The following WDR70 variants were observed in gnomAD, a reference collection of about 807,000 sequenced individuals.
WDR70 encodes the protein WD repeat-containing protein 70.
A neutral mutation model predicts 88.6 loss-of-function variants in WDR70; 53 were observed. That is an observed-to-expected ratio of 0.60 (90% confidence interval 0.48 to 0.75). The LOEUF is 0.75. WDR70 is among the 30% of genes least tolerant of loss of function. The probability of loss-of-function intolerance (pLI) is 0.00; values close to 1 mark genes in which losing one functional copy is unlikely to be tolerated. For synonymous variants in WDR70, 280 were observed against 270.0 expected (o/e 1.04, Z -0.36); for missense variants, 610 against 823.2 (o/e 0.74, Z 3.17).
At chr5:37,600,476 G>A (rs887697057) in intron 9 of WDR70, among the ~76,000 whole-genome samples, 3 of 138,334 alleles carry the variant, frequency 2.2e-5, no homozygotes, top group Non-Finnish European at 1.5e-5. Flanking sequence ...GCAGTGAGCC[G>A]AGATTGCGCC....
chr5:37,426,730 G>A (rs947696148), intron 5 of WDR70, among the ~76,000 whole-genome samples: 6 of 151,914 alleles, frequency 3.9e-5, no homozygotes, highest in African/African-American at 1.5e-4. Flanking sequence ...ATTTCTTGAG[G>A]CCATTTTTGG....
intron 16 of WDR70, among the ~76,000 whole-genome samples, chr5:37,725,621 T>C (rs1209615938): frequency 6.6e-6 from 1 of 152,162 alleles, no homozygotes; most frequent in Non-Finnish European, 1.5e-5. Flanking sequence ...TAGTTTCTAT[T>C]TGGTCTGCTC....
At chr5:37,472,222 T>G (rs1199905121) in intron 7 of WDR70, among the ~76,000 whole-genome samples, 3 of 152,030 alleles carry the variant, frequency 2.0e-5, no homozygotes, top group Non-Finnish European at 2.9e-5. Context: ...TACACTTGCA[T>G]AAGTATCACT....
intron 7 of WDR70, among the ~76,000 whole-genome samples, chr5:37,476,625 A>G (rs530227031): frequency 1.3e-5 from 2 of 151,276 alleles, no homozygotes; most frequent in African/African-American, 4.9e-5. Flanking sequence ...ATCTTGACTC[A>G]CTGCAACTTC....
At chr5:37,711,452 T>C (rs570960283) in intron 13 of WDR70, among the ~76,000 whole-genome samples, 1 of 152,332 alleles carries the variant, frequency 6.6e-6, no homozygotes, top group South Asian at 2.1e-4. Context: ...TTTTTTTCTT[T>C]ATTTTTAGCC....
intron 10 of WDR70, among the ~76,000 whole-genome samples, chr5:37,656,638 C>T (rs1187036737): frequency 6.6e-6 from 1 of 152,204 alleles, no homozygotes; most frequent in African/African-American, 2.4e-5. Context: ...TTCAGAGATG[C>T]CCTGCCCAGA....
intron 3 of WDR70, among the ~76,000 whole-genome samples, chr5:37,390,586 T>C (rs1050567581): frequency 6.6e-6 from 1 of 151,856 alleles, no homozygotes; most frequent in African/African-American, 2.4e-5. Flanking sequence ...GTGATCCGCC[T>C]GTCTCGGCCT....
At chr5:37,670,102 G>A (rs1745981146) in intron 10 of WDR70, among the ~76,000 whole-genome samples, 1 of 152,136 alleles carries the variant, frequency 6.6e-6, no homozygotes, top group Non-Finnish European at 1.5e-5. Context: ...TGATTGTACT[G>A]GTGGCTGCGC....
intron 9 of WDR70, among the ~76,000 whole-genome samples, chr5:37,592,497 G>C (rs1234716510): frequency 6.6e-6 from 1 of 152,218 alleles, no homozygotes; most frequent in African/African-American, 2.4e-5. Context: ...CAGCACAGTA[G>C]CATCACCAGA....
intron 5 of WDR70, among the ~76,000 whole-genome samples, chr5:37,415,008 C>T (rs907810183): frequency 6.6e-6 from 1 of 151,056 alleles, no homozygotes; most frequent in African/African-American, 2.5e-5. Flanking sequence ...TGCCTTCAAG[C>T]ATCTGTTTAA....
chr5:37,723,607 G>A (rs1329665791), intron 15 of WDR70: 1 of 152,256 alleles, frequency 6.6e-6, no homozygotes, highest in African/African-American at 2.4e-5. Flanking sequence ...ATGGCCCTGT[G>A]GACTTTATCA....
At chr5:37,598,660 T>G (rs1319491015) in intron 9 of WDR70, among the ~76,000 whole-genome samples, 1 of 152,230 alleles carries the variant, frequency 6.6e-6, no homozygotes, top group Non-Finnish European at 1.5e-5. Context: ...ACTATGATTT[T>G]ATGGCTCCAG....
chr5:37,669,113 T>C (rs1745946837), intron 10 of WDR70, among the ~76,000 whole-genome samples: 1 of 152,196 alleles, frequency 6.6e-6, no homozygotes. Context: ...TTTCCCCCTT[T>C]CCCAACTTGC....
At chr5:37,631,868 A>G (rs988251074) in intron 10 of WDR70, among the ~76,000 whole-genome samples, 14 of 152,172 alleles carry the variant, frequency 9.2e-5, no homozygotes, top group Non-Finnish European at 1.8e-4. Context: ...GAAAAATCCT[A>G]CTACTTATCT....
chr5:37,392,172 A>T (rs758280905), intron 4 of WDR70, 52 bp downstream of exon 4: 7 of 1,474,850 alleles, frequency 4.7e-6, no homozygotes, highest in African/African-American at 4.6e-5. Flanking sequence ...CTAGGTGTTT[A>T]TAGAGTTTTT....
chr5:37,729,291 T>C (rs1378350027), intron 17 of WDR70, among the ~76,000 whole-genome samples: 1 of 152,132 alleles, frequency 6.6e-6, no homozygotes, highest in African/African-American at 2.4e-5. Flanking sequence ...TGCTCCTTGC[T>C]ACTGCAGTGC....
intron 8 of WDR70, among the ~76,000 whole-genome samples, chr5:37,501,598 A>C (rs1017943202): frequency 6.6e-6 from 1 of 152,176 alleles, no homozygotes; most frequent in South Asian, 2.1e-4. Flanking sequence ...GGTTTGGACA[A>C]GTTTGCTTTA....
At chr5:37,494,811 G>T (rs1313041880) in intron 8 of WDR70, among the ~76,000 whole-genome samples, 1 of 152,158 alleles carries the variant, frequency 6.6e-6, no homozygotes. Flanking sequence ...TGTTTTTGAG[G>T]TATTCAAATG....
chr5:37,593,205 C>G (rs1426097333), intron 9 of WDR70, among the ~76,000 whole-genome samples: 1 of 152,098 alleles, frequency 6.6e-6, no homozygotes, highest in Non-Finnish European at 1.5e-5. Flanking sequence ...ACGTGCACAA[C>G]GTGCAGGTTT....
Sources: gnomAD v4.1 joint callset for allele counts (sites outside exome capture counted in the v4.1 genomes callset) on GRCh38, gnomAD v4.1.1 for gene constraint, MANE v1.5 for transcripts, NCBI Gene and HGNC (gene_info 2026-07-23, HGNC 2026-07-21) for gene names.